The following MYO9B variants were observed in gnomAD, a reference collection of about 807,000 sequenced individuals.
MYO9B encodes the protein unconventional myosin-IXb.
A neutral mutation model predicts 229.5 loss-of-function variants in MYO9B; 71 were observed. The ratio of observed to expected loss-of-function variants is 0.31; its 90% confidence interval spans 0.26 to 0.38. MYO9B has a LOEUF of 0.38. MYO9B is among the 10% of genes least tolerant of loss of function. The pLI is 1.00. For synonymous variants in MYO9B, 1,185 were observed against 1,235.8 expected (o/e 0.96, Z 0.86); for missense variants, 2,255 against 2,920.5 (o/e 0.77, Z 5.25).
chr19:17,148,248 C>A (rs750466273), intron 3 of MYO9B, among the ~76,000 whole-genome samples: 1 of 152,182 alleles, frequency 6.6e-6, no homozygotes, highest in South Asian at 2.1e-4. Context: ...GCCTCCTTGT[C>A]TTGTCTGGGT....
At chr19:17,121,476 C>T (rs1440370421) in intron 2 of MYO9B, among the ~76,000 whole-genome samples, 2 of 143,052 alleles carry the variant, frequency 1.4e-5, no homozygotes, top group Admixed American at 6.8e-5. Flanking sequence ...CAAGAGCTGC[C>T]GCCACAGGAT....
intron 35 of MYO9B, among the ~76,000 whole-genome samples, chr19:17,209,291 G>C (rs1265298323): frequency 1.3e-5 from 2 of 152,254 alleles, no homozygotes; most frequent in Admixed American, 6.5e-5. Context: ...CTGCCCAGCA[G>C]CTTGTACTTC....
chr19:17,130,535 G>A (rs2072182061), intron 2 of MYO9B, among the ~76,000 whole-genome samples: 1 of 152,024 alleles, frequency 6.6e-6, no homozygotes, highest in African/African-American at 2.4e-5. Context: ...CAGGAGAATG[G>A]CGTGAACCCA....
chr19:17,132,871 C>T (rs962460471), intron 2 of MYO9B, among the ~76,000 whole-genome samples: 6 of 147,390 alleles, frequency 4.1e-5, no homozygotes, highest in East Asian at 2.0e-4. Flanking sequence ...ATTTTTGAGA[C>T]GGAGTCTCGC....
At chr19:17,118,749 A>G (rs975298957) in intron 2 of MYO9B, among the ~76,000 whole-genome samples, 1 of 151,968 alleles carries the variant, frequency 6.6e-6, no homozygotes. Flanking sequence ...TCCTGTGATC[A>G]CGCCTGGGAT....
Position 17,168,021 on chromosome 19 carries a change from A to G in MYO9B, c.1750A>G (p.Lys584Glu). 1 of 1,612,160 alleles carries G rather than the reference A, an allele frequency of 6.2e-7. No individual in the cohort carries two copies. Among genetic ancestry groups the G allele is most frequent in the Non-Finnish European group, 8.5e-7 (1 of 1,179,290 alleles). The change falls in exon 11 of 40, where the codon AAG becomes GAG. Residue 584 changes from lysine (K) to glutamate (E), a missense_variant. Around this residue, in one of 7 missense-constraint regions of MYO9B, gnomAD observed 220 missense variants for 404.5 expected, o/e 0.54. Coordinates refer to ENST00000682292, the MANE Select transcript of MYO9B (RefSeq NM_004145.4). ...DNVGCIHLIS[K>E]KPTGLFYLLD... ...TGTCGGCTGCATCCATCTCATCAGC[A>G]AGAAACCCACGGGCCTCTTCTACCT...
At position 17,198,315 on chromosome 19, in the gene MYO9B, A is replaced by G. The variant is rs773619461; in HGVS notation, c.4238+7A>G. Reference sequence around the variant, plus strand: ...GCTCTCAGGTCGACTCTAAGTAAGTATTGGGCTTGGGGGAAACTCAGGCCA... The same window carrying G: ...GCTCTCAGGTCGACTCTAAGTAAGTGTTGGGCTTGGGGGAAACTCAGGCCA... On this transcript the variant is annotated splice_region_variant and intron_variant, in intron 24 of 39. Transcript: ENST00000682292. The G allele has an allele frequency of 1.2e-6, 2 of 1,613,516 alleles. No individual in the cohort carries two copies. The highest frequency in any genetic ancestry group is 1.7e-6 in the Non-Finnish European group (2 of 1,179,746).
At chr19:17,102,726 T>A (rs7251862) in intron 2 of MYO9B, among the ~76,000 whole-genome samples, 169 bp downstream of exon 2, 1 of 149,936 alleles carries the variant, frequency 6.7e-6, no homozygotes, top group African/African-American at 2.5e-5. Context: ...CATAGCAAGA[T>A]CTTTTCTCTA....
At chr19:17,176,558 T>C (rs2072792089) in intron 14 of MYO9B, among the ~76,000 whole-genome samples, 1 of 152,204 alleles carries the variant, frequency 6.6e-6, no homozygotes, top group African/African-American at 2.4e-5. Flanking sequence ...CAGCATTTGG[T>C]GGCTGCTTTT....
At position 17,194,818 on chromosome 19, in the gene MYO9B, A is replaced by G. The variant is rs1363658092; in HGVS notation, c.3391A>G (p.Lys1131Glu). 3.1e-6 allele frequency: 5 copies of G among 1,613,250 alleles called. No individual in the cohort carries two copies. Among genetic ancestry groups the G allele is most frequent in the Non-Finnish European group, 4.2e-6 (5 of 1,179,896 alleles). The change falls in exon 22 of 40, where the codon AAA (lysine) becomes GAA (glutamate). Residue 1131 changes from lysine to glutamate, a missense_variant. Lys to Glu is a moderately conservative substitution (Grantham distance 56). Transcript: ENST00000682292. The stretch of plus-strand genomic sequence containing the variant: ...CCCAGAGAAGACTCTCCCACCCCAG[A>G]AAACCGTGGCGGCTGAAAGTCACGA... The part of the protein sequence containing the change: ...PSPEKTLPPQ[K>E]TVAAESHEKV...
intron 15 of MYO9B, among the ~76,000 whole-genome samples, chr19:17,181,276 A>G (rs1333562555): frequency 6.6e-6 from 1 of 151,722 alleles, no homozygotes; most frequent in Non-Finnish European, 1.5e-5. Context: ...TCCCAGGAGC[A>G]CTCCTTCTTC....
chr19:17,182,006 A>G (rs1599400576), intron 15 of MYO9B, among the ~76,000 whole-genome samples: 1 of 150,010 alleles, frequency 6.7e-6, no homozygotes, highest in Non-Finnish European at 1.5e-5. Flanking sequence ...TGAACTCTTG[A>G]CCTCAGGTGA....
intron 2 of MYO9B, among the ~76,000 whole-genome samples, chr19:17,113,594 G>A (rs370038311): frequency 1.4e-4 from 22 of 152,286 alleles, no homozygotes; most frequent in African/African-American, 5.1e-4. Flanking sequence ...GAAGGAGGAG[G>A]TACAATGTGG....
chr19:17,181,308 G>A (rs778491712), intron 15 of MYO9B, among the ~76,000 whole-genome samples: 10 of 152,168 alleles, frequency 6.6e-5, no homozygotes, highest in Non-Finnish European at 1.3e-4. Context: ...TTTTCCACCC[G>A]CAAACGTGCC....
At position 17,188,057 on chromosome 19, in the gene MYO9B, G is replaced by T; in HGVS notation, c.2688+12G>T. ...AGTACACGTTCCAGGTAGGCCACAAGCACATATACCTGGACACACCTGTTC... is the reference window on the plus strand; with the variant it reads ...AGTACACGTTCCAGGTAGGCCACAATCACATATACCTGGACACACCTGTTC... On this transcript the variant is annotated intron_variant, in intron 19 of 39. Coordinates refer to ENST00000682292, the MANE Select transcript of MYO9B (RefSeq NM_004145.4). 2 of 1,569,492 alleles carry T rather than the reference G, an allele frequency of 1.3e-6. No individual in the cohort carries two copies. The highest frequency in any genetic ancestry group is 1.7e-6 in the Non-Finnish European group (2 of 1,155,638).
At chr19:17,201,100 G>A (rs576001834) in intron 26 of MYO9B, among the ~76,000 whole-genome samples, 106 of 152,286 alleles carry the variant, frequency 7.0e-4, no homozygotes, top group South Asian at 1.2e-3. Context: ...AGCTGGAGTG[G>A]TGGTGCACAC....
At chr19:17,156,289 C>G (rs1045076021) in intron 6 of MYO9B, among the ~76,000 whole-genome samples, 2 of 152,036 alleles carry the variant, frequency 1.3e-5, no homozygotes, top group African/African-American at 4.8e-5. Context: ...TGGTACAAAC[C>G]TGTAGTCCCA....
rs532091264 is a variant in MYO9B at position 17,152,549 on chromosome 19, C to T, written c.936-95C>T. 5.9e-4 allele frequency: 578 copies of T among 981,162 alleles called. 1 individual carries two copies. The highest frequency in any genetic ancestry group is 9.1e-4 in the Admixed American group (36 of 39,682). The allele number at this position is 981,162 out of a possible 1,614,324, so 60.8% of individuals were successfully genotyped here. A position where few individuals can be genotyped will look rare whatever the true frequency, so the allele number is the denominator to read the frequency against. On this transcript the variant is annotated intron_variant, in intron 3 of 39. Coordinates refer to ENST00000682292, the MANE Select transcript of MYO9B (RefSeq NM_004145.4). ...TTGTACTCCAGCCTGAACAACAGAGCGAGACTCCCATCTCAAAAAAAAAAA... is the reference window on the plus strand; with the variant it reads ...TTGTACTCCAGCCTGAACAACAGAGTGAGACTCCCATCTCAAAAAAAAAAA...
Position 17,159,426 on chromosome 19 carries a change from C to G in MYO9B, c.1361C>G (p.Thr454Ser). 2 of 1,610,220 alleles carry G rather than the reference C, an allele frequency of 1.2e-6. No individual in the cohort carries two copies. Among genetic ancestry groups the G allele is most frequent in the East Asian group, 4.5e-5 (2 of 44,790 alleles). Residue 454 changes from threonine (T) to serine (S), a missense_variant, in exon 8 of 40, where the codon ACC (threonine) becomes AGC (serine). This residue lies in a region of MYO9B where 220 missense variants were observed against 404.5 expected (regional missense o/e 0.54). Coordinates refer to ENST00000682292, the MANE Select transcript of MYO9B (RefSeq NM_004145.4). ...CGAGAAATCTTGGTGGAGGTTCTGA[C>G]CAAAAGAAAAACGGTGACCGTCAAC... is the stretch of plus-strand genomic sequence containing the variant. ...VKREILVEVL[T>S]KRKTVTVNDK...
Sources: gnomAD v4.1 joint callset for allele counts (sites outside exome capture counted in the v4.1 genomes callset) on GRCh38, gnomAD v4.1.1 for gene constraint, gnomAD v4.1.1 regional missense constraint, MANE v1.5 for transcripts, NCBI Gene and HGNC (gene_info 2026-07-23, HGNC 2026-07-21) for gene names.